The following CSNK1G3 variants were observed in gnomAD, a reference collection of about 807,000 sequenced individuals.
CSNK1G3 encodes casein kinase I isoform gamma-3.
A neutral mutation model predicts 64.3 loss-of-function variants in CSNK1G3; 23 were observed. That is an observed-to-expected ratio of 0.36 (90% confidence interval 0.26 to 0.51). The LOEUF (loss-of-function observed/expected upper bound fraction) is 0.51. Ranked by LOEUF, CSNK1G3 falls within the 20% of genes least tolerant of loss-of-function variation. The pLI is 0.96. For missense variants in CSNK1G3, 357 were observed against 510.5 expected (o/e 0.70, Z 2.90); for synonymous variants, 158 against 162.2 (o/e 0.97, Z 0.20).
Position 123,524,756 on chromosome 5 carries a change from T to G in CSNK1G3, c.-248+12186T>G, listed in dbSNP as rs115068395. ...ACAAATAAATCTGTATATTTTAGTA[T>G]TATAGTTTTCTGAAGAGGACCTTGT... On this transcript the variant is annotated intron_variant, in intron 1 of 12. Coordinates refer to ENST00000345990, the Ensembl canonical transcript of CSNK1G3. 9.6e-3 allele frequency among the ~76,000 whole-genome samples: 1,465 copies of G among 152,320 alleles called. 30 individuals carry two copies. Among genetic ancestry groups the G allele is most frequent in the African/African-American group, 0.033 (1,383 of 41,566 alleles).
At chr5:123,581,978 T>A (rs1004406908) in intron 6 of CSNK1G3, among the ~76,000 whole-genome samples, 1 of 152,092 alleles carries the variant, frequency 6.6e-6, no homozygotes, top group African/African-American at 2.4e-5. Flanking sequence ...TTAGCCAACA[T>A]GTCTTTTGGC....
chr5:123,558,731 T>G (rs1785102121), intron 4 of CSNK1G3, among the ~76,000 whole-genome samples: 2 of 152,206 alleles, frequency 1.3e-5, no homozygotes, highest in South Asian at 4.1e-4. Context: ...TTATCAAAAT[T>G]ATCACTGACA....
intron 4 of CSNK1G3, among the ~76,000 whole-genome samples, chr5:123,569,658 A>G (rs1171022639): frequency 1.3e-5 from 2 of 152,224 alleles, no homozygotes; most frequent in East Asian, 3.8e-4. Flanking sequence ...TACAAAATTC[A>G]AATTGCTTGA....
chr5:123,602,446 C>A (rs1794664916), intron 10 of CSNK1G3, among the ~76,000 whole-genome samples: 1 of 152,130 alleles, frequency 6.6e-6, no homozygotes, highest in Non-Finnish European at 1.5e-5. Context: ...ATGTTGTAGA[C>A]TAAAGTAAGA....
intron 4 of CSNK1G3, among the ~76,000 whole-genome samples, chr5:123,563,949 G>A (rs1372274752): frequency 6.6e-6 from 1 of 152,050 alleles, no homozygotes; most frequent in African/African-American, 2.4e-5. Context: ...AACAGTTTAT[G>A]TAGCAGATTC....
intron 1 of CSNK1G3, among the ~76,000 whole-genome samples, chr5:123,522,678 T>A (rs1009272780): frequency 3.3e-5 from 5 of 152,140 alleles, no homozygotes; most frequent in Non-Finnish European, 7.4e-5. Flanking sequence ...AAGTATTGTT[T>A]AGGGAATAAT....
At chr5:123,591,571 A>G (rs1161280645) in intron 10 of CSNK1G3, among the ~76,000 whole-genome samples, 157 bp downstream of exon 10, 3 of 151,998 alleles carry the variant, frequency 2.0e-5, no homozygotes, top group African/African-American at 7.2e-5. Flanking sequence ...TAATAATAGC[A>G]TTAAAATGTT....
exon 8 of CSNK1G3, chr5:123,588,500 A>G (rs1791737413): frequency 2.0e-5 from 32 of 1,605,652 alleles, no homozygotes; most frequent in Non-Finnish European, 2.7e-5. Flanking sequence ...GTGTTATGTG[A>G]AAATTTTCCA....
intron 12 of CSNK1G3, among the ~76,000 whole-genome samples, chr5:123,613,578 G>A (rs371517427): frequency 9.2e-4 from 140 of 151,914 alleles, no homozygotes; most frequent in African/African-American, 3.3e-3. Context: ...TGTCCAGGCT[G>A]GTCTTGAATT....
intron 1 of CSNK1G3, among the ~76,000 whole-genome samples, chr5:123,522,515 GA>G (rs941919368): frequency 1.1e-4 from 15 of 134,250 alleles, no homozygotes; most frequent in Admixed American, 5.2e-4. Context: ...AAAAAAAAAA[GA>G]AAAAAAAAAT....
intron 1 of CSNK1G3, among the ~76,000 whole-genome samples, chr5:123,540,538 A>AT (rs552201888): frequency 4.1e-4 from 61 of 150,574 alleles, no homozygotes; most frequent in African/African-American, 1.1e-3. Context: ...TTCTCTTGTG[A>AT]TTTTTTTTTC....
chr5:123,533,323 A>G (rs566233740), intron 1 of CSNK1G3, among the ~76,000 whole-genome samples: 1 of 152,018 alleles, frequency 6.6e-6, no homozygotes, highest in South Asian at 2.1e-4. Flanking sequence ...TTTTTACAGG[A>G]CTTTTATCTT....
At chr5:123,600,137 CTG>C (rs1430785801) in intron 10 of CSNK1G3, among the ~76,000 whole-genome samples, 2 of 152,028 alleles carry the variant, frequency 1.3e-5, no homozygotes, top group Non-Finnish European at 2.9e-5. Context: ...ACTCTTTTAA[CTG>C]TTAATATATC....
intron 4 of CSNK1G3, among the ~76,000 whole-genome samples, chr5:123,563,378 G>C (rs1230512562): frequency 6.6e-6 from 1 of 151,876 alleles, no homozygotes; most frequent in Non-Finnish European, 1.5e-5. Context: ...TTATAATGCT[G>C]TCTTTTAAAA....
At chr5:123,614,444 T>C (rs778569204) in exon 13 of CSNK1G3, 2 of 1,548,934 alleles carry the variant, frequency 1.3e-6, no homozygotes, top group Non-Finnish European at 1.8e-6. Context: ...GTTCATCTGC[T>C]GTCTTGTGAT....
At chr5:123,538,011 G>A (rs1781114834) in intron 1 of CSNK1G3, among the ~76,000 whole-genome samples, 1 of 152,140 alleles carries the variant, frequency 6.6e-6, no homozygotes, top group South Asian at 2.1e-4. Flanking sequence ...TGTATCAGCA[G>A]TTCGTTCCTT....
At chr5:123,531,681 A>G (rs1358537716) in intron 1 of CSNK1G3, among the ~76,000 whole-genome samples, 2 of 152,042 alleles carry the variant, frequency 1.3e-5, no homozygotes, top group African/African-American at 4.8e-5. Context: ...ATAAGTTAGT[A>G]AACTGAGAAT....
chr5:123,521,893 A>G (rs892360051), intron 1 of CSNK1G3, among the ~76,000 whole-genome samples: 15 of 152,126 alleles, frequency 9.9e-5, no homozygotes, highest in Non-Finnish European at 1.9e-4. Flanking sequence ...GATTCTACCC[A>G]TGCTAATTTA....
Position 123,545,672 on chromosome 5 carries a change from TAAAA to T in CSNK1G3, c.11_14del (p.Lys4ArgfsTer33). 1.2e-6 allele frequency: 2 copies of T among 1,611,084 alleles called. No individual in the cohort carries two copies. Among genetic ancestry groups the T allele is most frequent in the Non-Finnish European group, 1.7e-6 (2 of 1,178,290 alleles). Reference sequence around the variant, plus strand: ...AGTACCGCAAACTTGATATGGAAAATAAAAAGAAAGACAAGGACAAATCAGATGA... The same window carrying T: ...AGTACCGCAAACTTGATATGGAAAATAGAAAGACAAGGACAAATCAGATGA... On this transcript the variant is annotated frameshift_variant, in exon 2 of 13. Coordinates refer to ENST00000345990, the Ensembl canonical transcript of CSNK1G3. LOFTEE classifies it high-confidence loss of function.
Sources: gnomAD v4.1 joint callset for allele counts (sites outside exome capture counted in the v4.1 genomes callset) on GRCh38, gnomAD v4.1.1 for gene constraint, MANE v1.5 for transcripts, NCBI Gene and HGNC (gene_info 2026-07-23, HGNC 2026-07-21) for gene names.